AGPS: variants seen among roughly 807,000 people sequenced by gnomAD.
The protein encoded by AGPS is alkyldihydroxyacetonephosphate synthase, peroxisomal.
In AGPS, 26 loss-of-function variants were observed where a neutral mutation model predicts 90.7. The ratio of observed to expected loss-of-function variants is 0.29; its 90% CI spans 0.21 to 0.40. AGPS has a LOEUF of 0.40. Ranked by LOEUF, AGPS falls within the 10% of genes least tolerant of loss-of-function variation. The probability of loss-of-function intolerance (pLI) is 1.00; values close to 1 mark genes in which losing one functional copy is unlikely to be tolerated. For missense variants in AGPS, 540 were observed against 816.1 expected (o/e 0.66, Z 4.12); for synonymous variants, 294 against 285.3 (o/e 1.03, Z -0.31).
At chr2:177,440,597 A>G (rs544338123) in intron 5 of AGPS, among the ~76,000 whole-genome samples, 1 of 152,310 alleles carries the variant, frequency 6.6e-6, no homozygotes, top group East Asian at 1.9e-4. Flanking sequence ...ATTCTGGTCC[A>G]GAAAAGAGGA....
At chr2:177,438,970 C>T (rs886275975) in intron 5 of AGPS, among the ~76,000 whole-genome samples, 48 of 105,358 alleles carry the variant, frequency 4.6e-4, no homozygotes, top group African/African-American at 1.5e-3. Flanking sequence ...ATGTGGCTGT[C>T]TCATTCTTGC....
intron 19 of AGPS, among the ~76,000 whole-genome samples, chr2:177,537,577 A>G (rs1012142874): frequency 1.3e-5 from 2 of 152,142 alleles, no homozygotes; most frequent in Non-Finnish European, 2.9e-5. Context: ...TCTTGAGCCT[A>G]TTAAAGTTTC....
At chr2:177,458,139 C>A (rs1402043499) in intron 8 of AGPS, among the ~76,000 whole-genome samples, 3 of 152,082 alleles carry the variant, frequency 2.0e-5, no homozygotes, top group African/African-American at 4.8e-5. Context: ...AAATTCAACA[C>A]CCCTTCATGC....
In AGPS at chr2:177,542,249, T is replaced by C. The variant is rs1248676491; in HGVS notation, c.*4054T>C. ...ATCTCTTTGGATTTATAGCTGAGGA[T>C]ATTGTTAGCTAGGTTTTGTCAATCC... On this transcript the variant is annotated 3_prime_UTR_variant, in exon 20 of 20. Coordinates refer to ENST00000264167, the MANE Select transcript of AGPS (RefSeq NM_003659.4). 6.6e-6 allele frequency: 1 copy of C among 152,146 alleles called. No homozygotes were observed. The highest frequency in any genetic ancestry group is 2.1e-4 in the South Asian group (1 of 4,834). 9.4% of individuals were successfully genotyped at this position (152,146 alleles called of 1,614,324 possible). A position where few individuals can be genotyped will look rare whatever the true frequency, so the allele number is the denominator to read the frequency against.
At chr2:177,417,813 A>G (rs1574351431) in intron 1 of AGPS, among the ~76,000 whole-genome samples, 1 of 152,204 alleles carries the variant, frequency 6.6e-6, no homozygotes, top group Admixed American at 6.5e-5. Context: ...AAATACTTCT[A>G]TGTATAAGAA....
At chr2:177,399,566 A>G (rs1352103189) in intron 1 of AGPS, among the ~76,000 whole-genome samples, 1 of 152,152 alleles carries the variant, frequency 6.6e-6, no homozygotes, top group African/African-American at 2.4e-5. Flanking sequence ...TTTACCCTGA[A>G]TTACACTCCA....
At chr2:177,398,272 C>G (rs1360951314) in intron 1 of AGPS, among the ~76,000 whole-genome samples, 1 of 152,122 alleles carries the variant, frequency 6.6e-6, no homozygotes, top group Non-Finnish European at 1.5e-5. Flanking sequence ...AATATTTACC[C>G]TATTTTGAGT....
chr2:177,457,540 G>A (rs1005603336), intron 8 of AGPS, among the ~76,000 whole-genome samples: 1 of 152,168 alleles, frequency 6.6e-6, no homozygotes, highest in Admixed American at 6.5e-5. Flanking sequence ...TACCATCAGA[G>A]AATACTATAA....
In AGPS at chr2:177,434,997, GTATATATATATA is replaced by G. The variant is rs1553509324; in HGVS notation, c.441+596_441+607del. 1.0e-4 allele frequency among the ~76,000 whole-genome samples: 13 copies of G among 128,130 alleles called. No individual in the cohort carries two copies. The East Asian group carries it at 2.2e-3, about 22-fold the overall frequency. The allele number at this position is 128,130 out of a possible 152,430, so 84.1% of individuals were successfully genotyped here. On this transcript the variant is annotated intron_variant, in intron 3 of 19. Coordinates refer to ENST00000264167, the MANE Select transcript of AGPS (RefSeq NM_003659.4). ...GGGATTAGGAAACTTTAAACTGTAG[GTATATATATATA>G]TATATATATATATATGTATGAAACT...
intron 1 of AGPS, among the ~76,000 whole-genome samples, chr2:177,411,611 G>T (rs1277181099): frequency 6.6e-6 from 1 of 152,142 alleles, no homozygotes; most frequent in Non-Finnish European, 1.5e-5. Context: ...TCTCATTTGG[G>T]GTTAGTGTCT....
chr2:177,526,432 G>A (rs186553931), intron 19 of AGPS, among the ~76,000 whole-genome samples: 22 of 152,174 alleles, frequency 1.4e-4, no homozygotes, highest in Non-Finnish European at 2.5e-4. Context: ...TTTTCACCAT[G>A]TTGGCCAGGC....
intron 2 of AGPS, among the ~76,000 whole-genome samples, chr2:177,421,231 A>G (rs545828406): frequency 6.6e-6 from 1 of 152,166 alleles, no homozygotes; most frequent in East Asian, 1.9e-4. Flanking sequence ...AACCAAAAAT[A>G]AAAAGAAACT....
chr2:177,483,838 A>T (rs113007460), intron 11 of AGPS, among the ~76,000 whole-genome samples: 1 of 152,188 alleles, frequency 6.6e-6, no homozygotes, highest in African/African-American at 2.4e-5. Context: ...CTGAGCACTG[A>T]GTGGTGACAT....
At chr2:177,416,195 T>C (rs1291839270) in intron 1 of AGPS, among the ~76,000 whole-genome samples, 2 of 152,168 alleles carry the variant, frequency 1.3e-5, no homozygotes, top group African/African-American at 4.8e-5. Flanking sequence ...GACTTCAAAG[T>C]GAAAATTTCC....
chr2:177,490,050 G>T (rs1354123009), intron 11 of AGPS, among the ~76,000 whole-genome samples: 1 of 151,992 alleles, frequency 6.6e-6, no homozygotes, highest in African/African-American at 2.4e-5. Context: ...ATCTTTTGTG[G>T]TTTTTTTAAA....
At chr2:177,417,423 A>G (rs549452780) in intron 1 of AGPS, among the ~76,000 whole-genome samples, 1 of 152,360 alleles carries the variant, frequency 6.6e-6, no homozygotes, top group South Asian at 2.1e-4. Context: ...AATATCTGAA[A>G]TCTGAAACAC....
At position 177,392,846 on chromosome 2, in the gene AGPS, C is replaced by T. The variant is rs1346009699; in HGVS notation, c.57C>T (p.Tyr19=). The change falls in exon 1 of 20, where the codon TAC becomes TAT. Residue 19 remains tyrosine, a synonymous_variant. Transcript: ENST00000264167. The part of the protein sequence containing the change: ...GGTGLGAGAS[Y]GSAADRDRDP... ...CTGGCTTGGGCGCGGGCGCGAGCTA[C>T]GGGTCTGCAGCGGACCGGGACCGGG... The T allele has an allele frequency of 1.9e-6, 3 of 1,552,028 alleles. No individual in the cohort carries two copies. Among genetic ancestry groups the T allele is most frequent in the Non-Finnish European group, 1.7e-6 (2 of 1,153,662 alleles).
At chr2:177,521,796 T>C (rs1266020392) in intron 18 of AGPS, among the ~76,000 whole-genome samples, 1 of 152,212 alleles carries the variant, frequency 6.6e-6, no homozygotes, top group African/African-American at 2.4e-5. Context: ...TAGCTGTAAG[T>C]GGGTGCTTTG....
intron 10 of AGPS, among the ~76,000 whole-genome samples, chr2:177,476,461 ATTAG>A (rs1687784356): frequency 6.6e-6 from 1 of 151,996 alleles, no homozygotes; most frequent in Admixed American, 6.6e-5. Context: ...ATTTTCACAT[ATTAG>A]TTAGCTTTCC....
Sources: allele counts gnomAD v4.1 joint callset (sites outside exome capture counted in the v4.1 genomes callset), GRCh38; gene constraint gnomAD v4.1.1; transcripts MANE v1.5; gene names NCBI Gene and HGNC (gene_info 2026-07-23, HGNC 2026-07-21).